Variants in ULK4 observed in about 807,000 individuals in gnomAD.
ULK4 encodes inactive serine/threonine-protein kinase ULK4.
ULK4 carries 133 observed loss-of-function variants against 160.6 expected under a neutral mutation model. The observed-to-expected ratio is 0.83, with a 90% CI of 0.72 to 0.96. The LOEUF is 0.96. Among genes scored for constraint, ULK4 ranks in the 40% least tolerant of loss-of-function variants. The pLI is 0.00. For synonymous variants in ULK4, 534 were observed against 539.8 expected, an observed-to-expected ratio of 0.99 and a Z score of 0.15; for missense variants, 1,580 against 1,499.5, an observed-to-expected ratio of 1.05 and a Z score of -0.89.
At chr3:41,768,815 A>T (rs1043262548) in intron 21 of ULK4, among the ~76,000 whole-genome samples, 1 of 152,244 alleles carries the variant, frequency 6.6e-6, no homozygotes, top group African/African-American at 2.4e-5. Context: ...GGCACAAAAA[A>T]GTTTCACACA....
chr3:41,722,449 A>T (rs1401158670), intron 22 of ULK4, among the ~76,000 whole-genome samples: 3 of 152,042 alleles, frequency 2.0e-5, no homozygotes, highest in Non-Finnish European at 2.9e-5. Flanking sequence ...ACCAACATGG[A>T]GAAACCCCGT....
intron 30 of ULK4, among the ~76,000 whole-genome samples, chr3:41,654,597 G>A (rs2034862688): frequency 2.6e-5 from 4 of 152,164 alleles, no homozygotes. Context: ...GAGAGAAAGG[G>A]AGTCTTTAAA....
intron 32 of ULK4, among the ~76,000 whole-genome samples, chr3:41,530,393 AC>A (rs1434585458): frequency 6.6e-5 from 10 of 152,210 alleles, no homozygotes; most frequent in African/African-American, 2.4e-4. Context: ...AGGGAGTTGC[AC>A]TGGGCCCTTA....
At chr3:41,895,622 A>C (rs1234551084) in intron 15 of ULK4, 58 bp from the exon 16 acceptor site, 17 of 1,141,730 alleles carry the variant, frequency 1.5e-5, no homozygotes, top group Non-Finnish European at 2.0e-5. Flanking sequence ...TAAGTCACAA[A>C]ACACAGAAAA....
intron 35 of ULK4, among the ~76,000 whole-genome samples, chr3:41,385,680 T>A (rs1366427519): frequency 1.3e-5 from 2 of 152,216 alleles, no homozygotes; most frequent in Non-Finnish European, 2.9e-5. Flanking sequence ...CATTTTTATT[T>A]AAATAACAAA....
intron 34 of ULK4, among the ~76,000 whole-genome samples, chr3:41,431,984 G>A (rs1022613538): frequency 4.0e-5 from 6 of 151,612 alleles, no homozygotes; most frequent in Admixed American, 1.3e-4. Flanking sequence ...GTAGAGACGC[G>A]GTTTCACTGT....
Position 41,819,492 on chromosome 3 carries a change from C to T in ULK4, c.1779G>A (p.Lys593=), listed in dbSNP as rs767584457. ...GAACAGCCCAGCACTCTCTAGGGTT[C>T]TTTTTTTTTTCTTCCTAAAATGAAG... ...YLVATQEEKK[K]NPRECWAVPL... Residue 593 remains lysine (K), a synonymous_variant, in exon 19 of 37, where the codon AAG becomes AAA. Transcript: ENST00000301831. 4.1e-6 allele frequency: 6 copies of T among 1,460,862 alleles called. No homozygotes were observed. In the East Asian group the frequency reaches 9.9e-5, roughly 24 times the overall value. 90.5% of individuals were successfully genotyped at this position (1,460,862 alleles called of 1,614,324 possible).
At chr3:41,268,406 G>A (rs1180703862) in intron 35 of ULK4, among the ~76,000 whole-genome samples, 1 of 152,108 alleles carries the variant, frequency 6.6e-6, no homozygotes, top group Non-Finnish European at 1.5e-5. Flanking sequence ...TGCGGTACTT[G>A]GGTCAGTGGC....
At chr3:41,822,868 C>T (rs1243138646) in intron 18 of ULK4, among the ~76,000 whole-genome samples, 1 of 149,968 alleles carries the variant, frequency 6.7e-6, no homozygotes. Context: ...ACTACAGGCG[C>T]CCACCACCAC....
chr3:41,413,543 C>T (rs959190894), intron 34 of ULK4, among the ~76,000 whole-genome samples: 1 of 152,142 alleles, frequency 6.6e-6, no homozygotes, highest in Non-Finnish European at 1.5e-5. Context: ...ACCACCATTA[C>T]CCTCCTCATC....
At chr3:41,766,190 C>CTCTGGGAGATTCAAGAACCT (rs577043740) in intron 21 of ULK4, among the ~76,000 whole-genome samples, 18,823 of 152,126 alleles carry the variant, frequency 0.12, 1,343 homozygotes, top group Middle Eastern at 0.27. Context: ...ATTGCTTGAA[C>CTCTGGGAGATTCAAGAACCT]CTGGGAGGCA....
chr3:41,942,455 G>A (rs1699988302), intron 2 of ULK4, among the ~76,000 whole-genome samples: 1 of 152,096 alleles, frequency 6.6e-6, no homozygotes. Context: ...GAAGGCAGAG[G>A]TTGCAGTGAG....
At chr3:41,564,767 ATTTG>A (rs2087730255) in intron 32 of ULK4, among the ~76,000 whole-genome samples, 2 of 151,756 alleles carry the variant, frequency 1.3e-5, no homozygotes, top group Admixed American at 6.6e-5. Flanking sequence ...CCATAAAAGT[ATTTG>A]TTTTTTATAA....
chr3:41,957,448 C>CAAAAAAAA (rs11455719), intron 1 of ULK4, among the ~76,000 whole-genome samples: 6 of 97,234 alleles, frequency 6.2e-5, no homozygotes, highest in Non-Finnish European at 1.2e-4. Flanking sequence ...GAGCACCACT[C>CAAAAAAAA]AAAAAAAAAA....
intron 1 of ULK4, among the ~76,000 whole-genome samples, chr3:41,957,214 G>A (rs1002154212): frequency 6.6e-6 from 1 of 152,106 alleles, no homozygotes; most frequent in Non-Finnish European, 1.5e-5. Flanking sequence ...AGCACTTTGG[G>A]AGGCCGAGGT....
intron 31 of ULK4, among the ~76,000 whole-genome samples, chr3:41,580,176 AACAG>A (rs2030171938): frequency 6.6e-6 from 1 of 152,128 alleles, no homozygotes; most frequent in Admixed American, 6.5e-5. Flanking sequence ...TGTGCATGAC[AACAG>A]ACAAGCGGCT....
At chr3:41,788,421 A>C (rs770115099) in intron 21 of ULK4, among the ~76,000 whole-genome samples, 1 of 152,330 alleles carries the variant, frequency 6.6e-6, no homozygotes, top group Middle Eastern at 3.4e-3. Context: ...ATAGAAAAAA[A>C]GACCTGTAAT....
At chr3:41,536,602 TATAAC>T (rs2086509139) in intron 32 of ULK4, among the ~76,000 whole-genome samples, 1 of 152,204 alleles carries the variant, frequency 6.6e-6, no homozygotes, top group East Asian at 1.9e-4. Flanking sequence ...ACTGTATTCT[TATAAC>T]AAAGTAAGCT....
intron 32 of ULK4, among the ~76,000 whole-genome samples, chr3:41,493,808 C>A (rs1011172529): frequency 6.8e-6 from 1 of 147,288 alleles, no homozygotes; most frequent in East Asian, 1.9e-4. Flanking sequence ...CACCTCTACA[C>A]AAATAAACTA....
Sources: gnomAD v4.1 joint callset for allele counts (sites outside exome capture counted in the v4.1 genomes callset) on GRCh38, gnomAD v4.1.1 for gene constraint, MANE v1.5 for transcripts, NCBI Gene and HGNC (gene_info 2026-07-23, HGNC 2026-07-21) for gene names.